Variants in FNBP1 observed in about 807,000 individuals in gnomAD.
FNBP1 encodes the protein formin binding protein 1.
Under a neutral mutation model 90.6 loss-of-function variants are expected in FNBP1, and 26 were observed. The observed-to-expected ratio is 0.29, with a 90% confidence interval of 0.21 to 0.40. The LOEUF (loss-of-function observed/expected upper bound fraction) is 0.40. Among genes scored for constraint, FNBP1 ranks in the 10% least tolerant of loss-of-function variants. The pLI is 1.00. For missense variants in FNBP1, 635 were observed against 768.0 expected (o/e 0.83, Z 2.05); for synonymous variants, 260 against 265.2 (o/e 0.98, Z 0.19).
intron 6 of FNBP1, among the ~76,000 whole-genome samples, chr9:129,930,664 G>A (rs2042603541): frequency 6.6e-6 from 1 of 152,158 alleles, no homozygotes; most frequent in Non-Finnish European, 1.5e-5. Flanking sequence ...TTGTTGACTA[G>A]TTGCAGAATG....
At chr9:130,007,386 G>A (rs1267548755) in intron 1 of FNBP1, among the ~76,000 whole-genome samples, 3 of 152,022 alleles carry the variant, frequency 2.0e-5, no homozygotes, top group African/African-American at 7.3e-5. Flanking sequence ...CAAATGGAAG[G>A]GCTCAGAAAG....
At chr9:129,958,118 T>C (rs991734133) in intron 5 of FNBP1, among the ~76,000 whole-genome samples, 1 of 152,132 alleles carries the variant, frequency 6.6e-6, no homozygotes, top group African/African-American at 2.4e-5. Flanking sequence ...TAAATTAAAT[T>C]GAAACTGGAA....
intron 4 of FNBP1, among the ~76,000 whole-genome samples, chr9:129,964,852 C>G (rs1448453117): frequency 1.4e-5 from 1 of 71,560 alleles, no homozygotes; most frequent in Non-Finnish European, 2.8e-5. Flanking sequence ...GATGTGAGAA[C>G]AGCCCTTTCA....
intron 1 of FNBP1, among the ~76,000 whole-genome samples, chr9:129,997,943 T>G (rs2131369697): frequency 6.6e-6 from 1 of 151,954 alleles, no homozygotes; most frequent in African/African-American, 2.4e-5. Context: ...TTCCAGCACT[T>G]TGGGAGGCCA....
intron 6 of FNBP1, among the ~76,000 whole-genome samples, chr9:129,942,526 G>A (rs981525099): frequency 4.6e-5 from 7 of 152,294 alleles, no homozygotes; most frequent in Middle Eastern, 3.4e-3. Flanking sequence ...AGGAAAAAGC[G>A]GTGGCTAAGA....
At chr9:129,930,731 G>C (rs970630945) in intron 6 of FNBP1, among the ~76,000 whole-genome samples, 1 of 152,166 alleles carries the variant, frequency 6.6e-6, no homozygotes, top group Admixed American at 6.6e-5. Flanking sequence ...AGAAGTACAA[G>C]AGGTTGTGCC....
chr9:129,981,288 C>T (rs554619340), intron 2 of FNBP1, among the ~76,000 whole-genome samples: 8 of 152,134 alleles, frequency 5.3e-5, no homozygotes, highest in Admixed American at 1.3e-4. Context: ...GGGGTTTCAC[C>T]ACGTTGGCCA....
rs397894225 is a variant in FNBP1, at chr9:129,889,570, CAAAA to C, written c.*965_*968del. 8.8e-5 allele frequency: 10 copies of C among 113,212 alleles called. No individual in the cohort carries two copies. Among genetic ancestry groups the C allele is most frequent in the Non-Finnish European group, 1.1e-4 (6 of 56,730 alleles). The allele number at this position is 113,212 out of a possible 1,614,324, so 7.0% of individuals were successfully genotyped here. On this transcript the variant is annotated 3_prime_UTR_variant, in exon 17 of 17. Transcript: ENST00000446176. ...GAACAATAGAGCGAGACTCCCGTCT[CAAAA>C]AAAAAAAAAAAACAACAACAAAAAA...
At chr9:129,982,273 C>T (rs1448170554) in intron 2 of FNBP1, among the ~76,000 whole-genome samples, 2 of 152,152 alleles carry the variant, frequency 1.3e-5, no homozygotes, top group African/African-American at 4.8e-5. Flanking sequence ...GAGTTCGAGA[C>T]CAGCCTGACC....
the FNBP1 span, among the ~76,000 whole-genome samples, chr9:130,051,305 G>A: frequency 1.3e-5 from 2 of 152,238 alleles, no homozygotes; most frequent in Non-Finnish European, 2.9e-5. Flanking sequence ...CCAAAGTGCT[G>A]GGATTACAGG....
At chr9:129,904,100 A>G (rs1031654497) in intron 12 of FNBP1, among the ~76,000 whole-genome samples, 2 of 152,204 alleles carry the variant, frequency 1.3e-5, no homozygotes, top group Non-Finnish European at 2.9e-5. Flanking sequence ...CTTCATGCAA[A>G]CCAAAGCTAC....
upstream of FNBP1, chr9:130,043,222 G>A (rs2132496485): frequency 3.0e-6 from 1 of 333,966 alleles, no homozygotes; most frequent in Non-Finnish European, 5.4e-6. Flanking sequence ...CCTACACCCG[G>A]AGAGCGGGGG....
intron 1 of FNBP1, among the ~76,000 whole-genome samples, chr9:130,024,570 G>T (rs2058155526): frequency 6.6e-6 from 1 of 152,140 alleles, no homozygotes; most frequent in Non-Finnish European, 1.5e-5. Context: ...AGATCTGCTT[G>T]AAGTTATCAG....
Position 129,929,589 on chromosome 9 carries a change from G to A in FNBP1, c.620C>T (p.Thr207Ile), listed in dbSNP as rs1268695898. 1.2e-6 allele frequency: 2 copies of A among 1,613,410 alleles called. No individual in the cohort carries two copies. ...FNHEQHEYYH[T>I]HIPNIFQKIQ... ...TACCTGGAAGATGTTGGGGATGTGAGTATGGTAATATTCATGCTGCTCATG... is the reference window on the plus strand; with the variant it reads ...TACCTGGAAGATGTTGGGGATGTGAATATGGTAATATTCATGCTGCTCATG... Residue 207 changes from threonine to isoleucine, a missense_variant, in exon 7 of 17, where the codon ACT becomes ATT. Transcript: ENST00000446176.
At position 129,888,608 on chromosome 9, in the gene FNBP1, C is replaced by A. The variant is rs544229894; in HGVS notation, c.*1931G>T. 1 of 231,580 alleles carries A rather than the reference C, an allele frequency of 4.3e-6. No individual in the cohort carries two copies. Among genetic ancestry groups the A allele is most frequent in the East Asian group, 6.1e-5 (1 of 16,410 alleles). The allele number at this position is 231,580 out of a possible 1,614,324, so 14.3% of individuals were successfully genotyped here. ...GCCGCAACCCTGAGCGGTTTGCAGT[C>A]CCCCCCGGGGAAGAAGCAGTCAGAG... is the stretch of plus-strand genomic sequence containing the variant. On this transcript the variant is annotated 3_prime_UTR_variant, in exon 17 of 17. Coordinates refer to ENST00000446176, the MANE Select transcript of FNBP1 (RefSeq NM_015033.3).
intron 1 of FNBP1, among the ~76,000 whole-genome samples, chr9:130,023,042 A>C (rs573524288): frequency 3.3e-5 from 5 of 152,216 alleles, no homozygotes; most frequent in South Asian, 2.1e-4. Flanking sequence ...GAGGCGGCTA[A>C]GGAAAAGAAA....
At chr9:130,021,019 GA>G (rs2131906410) in intron 1 of FNBP1, among the ~76,000 whole-genome samples, 1 of 152,188 alleles carries the variant, frequency 6.6e-6, no homozygotes, top group African/African-American at 2.4e-5. Context: ...CTTGGTTGGT[GA>G]AAAACAGAAG....
chr9:130,039,964 C>T (rs1006040574), intron 1 of FNBP1, among the ~76,000 whole-genome samples: 3 of 152,150 alleles, frequency 2.0e-5, no homozygotes, highest in Non-Finnish European at 4.4e-5. Context: ...AGCTCTTTCT[C>T]CATCTAGAAG....
rs532118055 is a variant in FNBP1, at chr9:130,030,388, T to C, written c.24+12564A>G. 2.0e-5 allele frequency among the ~76,000 whole-genome samples: 3 copies of C among 150,076 alleles called. No homozygotes were observed. The East Asian group carries it at 5.9e-4, about 29-fold the overall frequency. On this transcript the variant is annotated intron_variant, in intron 1 of 16. Transcript: ENST00000446176. Reference sequence around the variant, plus strand: ...AGCCGGAGGTTGCAGTGAGCCGAGATTGCACCATTGCACTCCAGCCTGGGT... The same window carrying C: ...AGCCGGAGGTTGCAGTGAGCCGAGACTGCACCATTGCACTCCAGCCTGGGT...
Sources: gnomAD v4.1 joint callset for allele counts (sites outside exome capture counted in the v4.1 genomes callset) on GRCh38, gnomAD v4.1.1 for gene constraint, MANE v1.5 for transcripts, NCBI Gene and HGNC (gene_info 2026-07-23, HGNC 2026-07-21) for gene names.